Variants in SCD5 observed in about 807,000 individuals in gnomAD.
SCD5 encodes the protein acyl-CoA-desaturase 4.
A neutral mutation model predicts 30.4 loss-of-function variants in SCD5; 20 were observed. The ratio of observed to expected loss-of-function variants is 0.66; its 90% CI spans 0.46 to 0.96. The LOEUF (loss-of-function observed/expected upper bound fraction) is 0.96, where lower values mean the gene tolerates loss of function less well. SCD5 is among the 40% of genes least tolerant of loss of function. The pLI is 0.00. For synonymous variants in SCD5, 173 were observed against 176.4 expected (o/e 0.98, Z 0.16); for missense variants, 381 against 443.3 (o/e 0.86, Z 1.26).
intron 1 of SCD5, among the ~76,000 whole-genome samples, chr4:82,708,891 T>C (rs571376102): frequency 5.2e-4 from 79 of 151,932 alleles, no homozygotes; most frequent in African/African-American, 1.8e-3. Context: ...TGTATCTCTA[T>C]AGCATCAGAG....
chr4:82,717,864 C>T (rs1231111518), intron 1 of SCD5, among the ~76,000 whole-genome samples: 1 of 151,308 alleles, frequency 6.6e-6, no homozygotes, highest in African/African-American at 2.4e-5. Flanking sequence ...TGCAGTGAGC[C>T]GAGGTGGTAC....
At position 82,711,183 on chromosome 4, in the gene SCD5, T is replaced by TC. The variant is rs57938783; in HGVS notation, c.233-5771dup. Among the ~76,000 whole-genome samples the TC allele has an allele frequency of 1.0e-3, 156 of 150,356 alleles. 1 individual carries two copies. In the East Asian group the frequency reaches 0.012, roughly 12 times the overall value. ...ATGCCATGCTCTGTTTCTGAAAAGATCCCCCCCCCGATAACCCACTCTGAA... is the reference window on the plus strand; with the variant it reads ...ATGCCATGCTCTGTTTCTGAAAAGATCCCCCCCCCCGATAACCCACTCTGAA... On this transcript the variant is annotated intron_variant, in intron 1 of 4. Coordinates refer to ENST00000319540, the MANE Select transcript of SCD5 (RefSeq NM_001037582.3).
intron 2 of SCD5, among the ~76,000 whole-genome samples, chr4:82,699,570 GTTT>G (rs59887380): frequency 0.32 from 44,486 of 141,092 alleles, 7,343 homozygotes; most frequent in Middle Eastern, 0.46. Flanking sequence ...TTTGTTTTTT[GTTT>G]TTTTTTTTTT....
intron 3 of SCD5, among the ~76,000 whole-genome samples, chr4:82,673,023 C>A (rs1033514179): frequency 6.6e-6 from 1 of 151,986 alleles, no homozygotes; most frequent in Non-Finnish European, 1.5e-5. Context: ...TCAGTAAATT[C>A]TCAATGATAA....
At chr4:82,632,904 C>T (rs556170727) in intron 4 of SCD5, among the ~76,000 whole-genome samples, 89 of 152,076 alleles carry the variant, frequency 5.9e-4, no homozygotes, top group African/African-American at 1.9e-3. Context: ...TGTACAACAC[C>T]GGGTTCTGAG....
In SCD5 at chr4:82,636,767, C is replaced by A. The variant is rs192654796; in HGVS notation, c.626G>T (p.Trp209Leu). 10 of 1,614,084 alleles carry A rather than the reference C, an allele frequency of 6.2e-6. No individual in the cohort carries two copies. The Admixed American group carries it at 1.7e-4, about 27-fold the overall frequency. The change falls in exon 4 of 5, where the codon TGG becomes TTG. Residue 209 changes from tryptophan to leucine, a missense_variant. Physicochemically the swap from Trp to Leu is moderately conservative, Grantham distance 61. Transcript: ENST00000319540. ...MCFVVPTLVP[W>L]YIWGESLWNS... Reference sequence around the variant, plus strand: ...CCACAGACTCTCTCCCCAGATGTACCAGGGCACCAGCGTGGGGACCACAAA... The same window carrying A: ...CCACAGACTCTCTCCCCAGATGTACAAGGGCACCAGCGTGGGGACCACAAA...
intron 1 of SCD5, among the ~76,000 whole-genome samples, chr4:82,767,529 C>T (rs983736363): frequency 6.6e-6 from 1 of 152,202 alleles, no homozygotes; most frequent in Non-Finnish European, 1.5e-5. Flanking sequence ...TGTCCAACAT[C>T]TGAAAACCCA....
intron 1 of SCD5, among the ~76,000 whole-genome samples, chr4:82,751,009 A>G (rs1721090850): frequency 6.6e-6 from 1 of 152,114 alleles, no homozygotes; most frequent in Non-Finnish European, 1.5e-5. Flanking sequence ...CTCTGTGACT[A>G]TGTCTTCCTC....
At chr4:82,779,788 A>G (rs2148850933) in intron 1 of SCD5, among the ~76,000 whole-genome samples, 1 of 152,340 alleles carries the variant, frequency 6.6e-6, no homozygotes, top group South Asian at 2.1e-4. Context: ...CCTTGGGGTC[A>G]GATGTGCTTC....
intron 4 of SCD5, among the ~76,000 whole-genome samples, chr4:82,633,716 C>T (rs1226937127): frequency 1.3e-5 from 2 of 152,142 alleles, no homozygotes; most frequent in Non-Finnish European, 2.9e-5. Flanking sequence ...TTTTAATTTG[C>T]ATTTCTCTAA....
At chr4:82,636,271 T>G (rs537532655) in intron 4 of SCD5, among the ~76,000 whole-genome samples, 160 of 142,662 alleles carry the variant, frequency 1.1e-3, no homozygotes, top group African/African-American at 4.0e-3. Flanking sequence ...TGAAACCCCA[T>G]CTCTACTAAA....
At chr4:82,749,799 C>T (rs961754382) in intron 1 of SCD5, among the ~76,000 whole-genome samples, 3 of 152,208 alleles carry the variant, frequency 2.0e-5, no homozygotes, top group Non-Finnish European at 2.9e-5. Context: ...CTTTAGAAGT[C>T]ATTAAAGAAC....
At chr4:82,662,025 G>C (rs1728020984) in intron 3 of SCD5, among the ~76,000 whole-genome samples, 1 of 152,090 alleles carries the variant, frequency 6.6e-6, no homozygotes, top group Non-Finnish European at 1.5e-5. Flanking sequence ...CTTTGTCTTT[G>C]GCCATGGGTA....
At chr4:82,791,710 G>A (rs910184844) in intron 1 of SCD5, among the ~76,000 whole-genome samples, 1 of 152,220 alleles carries the variant, frequency 6.6e-6, no homozygotes, top group East Asian at 1.9e-4. Flanking sequence ...ACATGGGACA[G>A]AGGAATGGGT....
intron 2 of SCD5, among the ~76,000 whole-genome samples, chr4:82,697,500 G>A (rs187146106): frequency 1.3e-5 from 2 of 152,212 alleles, no homozygotes; most frequent in East Asian, 3.9e-4. Context: ...TTACCCTCTT[G>A]CTCAGACTGT....
intron 1 of SCD5, among the ~76,000 whole-genome samples, chr4:82,740,460 G>A (rs79175254): frequency 0.097 from 14,733 of 152,288 alleles, 917 homozygotes; most frequent in Non-Finnish European, 0.15. Flanking sequence ...ATCTCATAGT[G>A]TGGCTTTAGC....
rs149873752 is a variant in SCD5, at chr4:82,705,436, A to G, written c.233-23T>C. The G allele has an allele frequency of 7.4e-5, 119 of 1,613,836 alleles. No individual in the cohort carries two copies. The African/African-American group carries it at 1.2e-3, about 17-fold the overall frequency. On this transcript the variant is annotated intron_variant, in intron 1 of 4. Transcript: ENST00000319540. ...AGGCTGCAAGACACAAGCAGGGACAACGTCAACAATGGTCCCTGAGCTTTC... is the reference window on the plus strand; with the variant it reads ...AGGCTGCAAGACACAAGCAGGGACAGCGTCAACAATGGTCCCTGAGCTTTC...
chr4:82,793,573 C>T (rs563439195), intron 1 of SCD5, among the ~76,000 whole-genome samples: 89 of 152,106 alleles, frequency 5.9e-4, no homozygotes, highest in Non-Finnish European at 1.0e-3. Flanking sequence ...GAATTTATTG[C>T]GCTGCCGGAA....
intron 2 of SCD5, among the ~76,000 whole-genome samples, chr4:82,701,209 T>C (rs1719831626): frequency 6.6e-6 from 1 of 152,166 alleles, no homozygotes; most frequent in South Asian, 2.1e-4. Flanking sequence ...ATATTGCAAA[T>C]TCTAGGGCAA....
Sources: allele counts gnomAD v4.1 joint callset (sites outside exome capture counted in the v4.1 genomes callset), GRCh38; gene constraint gnomAD v4.1.1; transcripts MANE v1.5; gene names NCBI Gene and HGNC (gene_info 2026-07-23, HGNC 2026-07-21).